RYR3: variants seen among roughly 807,000 people sequenced by gnomAD.
RYR3 encodes the protein ryanodine receptor 3.
Under a neutral mutation model 584.3 loss-of-function variants are expected in RYR3, and 207 were observed. That is an observed-to-expected ratio of 0.35 (90% CI 0.32 to 0.40). The LOEUF is 0.40. RYR3 is among the 10% of genes least tolerant of loss of function. The pLI is 1.00. For missense variants in RYR3, 5,616 were observed against 6,089.2 expected, an observed-to-expected ratio of 0.92 and a Z score of 2.59; for synonymous variants, 2,416 against 2,248.5, an observed-to-expected ratio of 1.07 and a Z score of -2.11.
At chr15:33,834,134 A>C (rs1345361795) in intron 86 of RYR3, among the ~76,000 whole-genome samples, 1 of 152,176 alleles carries the variant, frequency 6.6e-6, no homozygotes, top group Non-Finnish European at 1.5e-5. Context: ...ATATAAAAAA[A>C]TCAGCCAGGC....
intron 1 of RYR3, among the ~76,000 whole-genome samples, chr15:33,461,038 G>A (rs976634022): frequency 3.5e-5 from 5 of 142,146 alleles, no homozygotes; most frequent in Non-Finnish European, 7.5e-5. Context: ...TCCGCCTCCC[G>A]GGTTCACGCC....
At chr15:33,508,848 CCA>C (rs2052713474) in intron 3 of RYR3, among the ~76,000 whole-genome samples, 1 of 152,158 alleles carries the variant, frequency 6.6e-6, no homozygotes, top group Non-Finnish European at 1.5e-5. Context: ...GTAGGGAATA[CCA>C]CACACAGCAT....
intron 1 of RYR3, among the ~76,000 whole-genome samples, chr15:33,442,287 A>G (rs570463473): frequency 1.2e-4 from 18 of 152,230 alleles, no homozygotes; most frequent in Non-Finnish European, 2.2e-4. Flanking sequence ...CAGTCAAGCA[A>G]TTGAAATTTC....
chr15:33,813,196 T>A (rs1188995640), intron 73 of RYR3, among the ~76,000 whole-genome samples: 3 of 152,204 alleles, frequency 2.0e-5, no homozygotes, highest in Non-Finnish European at 4.4e-5. Flanking sequence ...GCCAGTGTTT[T>A]GTGCATTCTT....
At chr15:33,313,379 C>G (rs1346988050) in intron 1 of RYR3, among the ~76,000 whole-genome samples, 1 of 152,166 alleles carries the variant, frequency 6.6e-6, no homozygotes, top group Admixed American at 6.5e-5. Flanking sequence ...TAAGAATATA[C>G]CTAAGAACAT....
chr15:33,579,515 G>A (rs1474695948), intron 12 of RYR3, among the ~76,000 whole-genome samples: 6 of 151,996 alleles, frequency 3.9e-5, no homozygotes, highest in Non-Finnish European at 8.8e-5. Context: ...TTTTCTAAAT[G>A]TTTTTATTTT....
intron 28 of RYR3, among the ~76,000 whole-genome samples, chr15:33,644,820 C>G (rs1208725692): frequency 6.6e-6 from 1 of 152,108 alleles, no homozygotes; most frequent in Non-Finnish European, 1.5e-5. Context: ...ATATAGTATT[C>G]GGAGACCTTA....
chr15:33,777,063 C>T (rs1226616883), intron 64 of RYR3, among the ~76,000 whole-genome samples: 1 of 152,250 alleles, frequency 6.6e-6, no homozygotes, highest in Non-Finnish European at 1.5e-5. Flanking sequence ...GTGGCACATG[C>T]CATAGTCCTA....
chr15:33,669,864 G>T (rs1318339141), intron 37 of RYR3, among the ~76,000 whole-genome samples: 2 of 50,926 alleles, frequency 3.9e-5, no homozygotes, highest in African/African-American at 6.8e-5. Context: ...GGGGGTGTGG[G>T]TGTGTGGGTG....
intron 1 of RYR3, among the ~76,000 whole-genome samples, chr15:33,389,008 C>T (rs774237348): frequency 2.1e-5 from 3 of 142,078 alleles, no homozygotes; most frequent in Non-Finnish European, 4.5e-5. Context: ...AACCAAACAC[C>T]GCATGTTTAA....
chr15:33,683,739 G>A (rs181206510), intron 38 of RYR3, among the ~76,000 whole-genome samples: 1 of 152,382 alleles, frequency 6.6e-6, no homozygotes, highest in Admixed American at 6.5e-5. Context: ...GCCACGGGAA[G>A]CCGTGACAGA....
intron 1 of RYR3, chr15:33,465,718 T>G (rs1186708540): frequency 1.9e-6 from 1 of 518,902 alleles, no homozygotes; most frequent in Non-Finnish European, 3.8e-6. Context: ...TTACAATAGT[T>G]GTGACAAGAG....
intron 96 of RYR3, among the ~76,000 whole-genome samples, chr15:33,854,150 C>G (rs1034434846): frequency 1.3e-5 from 2 of 149,066 alleles, no homozygotes; most frequent in Non-Finnish European, 3.0e-5. Flanking sequence ...AAGCCAAGAT[C>G]ACGCCACTAC....
At chr15:33,744,318 A>G (rs907620924) in intron 52 of RYR3, among the ~76,000 whole-genome samples, 2 of 152,062 alleles carry the variant, frequency 1.3e-5, no homozygotes, top group Non-Finnish European at 2.9e-5. Context: ...CATTTATTCT[A>G]TTTATCAATT....
At chr15:33,572,658 T>TACACACACAC (rs57835355) in intron 12 of RYR3, among the ~76,000 whole-genome samples, 11 of 124,508 alleles carry the variant, frequency 8.8e-5, no homozygotes, top group African/African-American at 2.3e-4. Context: ...AAACTATATA[T>TACACACACAC]ACACACACAC....
chr15:33,575,834 TAA>T (rs1555535394), intron 12 of RYR3, among the ~76,000 whole-genome samples: 2 of 144,606 alleles, frequency 1.4e-5, no homozygotes, highest in South Asian at 4.4e-4. Flanking sequence ...GAGCTGGTTT[TAA>T]AAAAAAAAAA....
chr15:33,834,169 AG>A (rs2077871421), intron 86 of RYR3, among the ~76,000 whole-genome samples: 1 of 152,146 alleles, frequency 6.6e-6, no homozygotes, highest in Non-Finnish European at 1.5e-5. Context: ...CTGTAATCTC[AG>A]CTACTTGGGA....
chr15:33,335,006 A>G (rs964751332), intron 1 of RYR3, among the ~76,000 whole-genome samples: 2 of 152,214 alleles, frequency 1.3e-5, no homozygotes, highest in Non-Finnish European at 2.9e-5. Flanking sequence ...CAGAATGGTT[A>G]TTATTAAAAA....
chr15:33,458,861 G>A (rs1357225623), intron 1 of RYR3, among the ~76,000 whole-genome samples: 1 of 152,136 alleles, frequency 6.6e-6, no homozygotes, highest in Non-Finnish European at 1.5e-5. Context: ...CCTAGCCTTT[G>A]GATTCTTGAT....
Sources: allele counts gnomAD v4.1 joint callset (sites outside exome capture counted in the v4.1 genomes callset), GRCh38; gene constraint gnomAD v4.1.1; transcripts MANE v1.5; gene names NCBI Gene and HGNC (gene_info 2026-07-23, HGNC 2026-07-21).